C10orf90: variants seen among roughly 807,000 people sequenced by gnomAD.
C10orf90 encodes chromosome 10 open reading frame 90, also known as (E2-independent) E3 ubiquitin-conjugating enzyme FATS.
C10orf90 carries 56 observed loss-of-function variants against 62.5 expected under a neutral mutation model. The observed-to-expected ratio is 0.90, with a 90% CI of 0.72 to 1.12. The LOEUF (loss-of-function observed/expected upper bound fraction) is 1.12, where lower values mean the gene tolerates loss of function less well. Ranked by LOEUF, C10orf90 falls within the 50% of genes most tolerant of loss-of-function variation. The pLI is 0.00. For synonymous variants in C10orf90, 386 were observed against 340.4 expected (o/e 1.13, Z -1.47); for missense variants, 970 against 880.4 (o/e 1.10, Z -1.29).
At chr10:126,530,317 G>A (rs1234401223) in intron 2 of C10orf90, among the ~76,000 whole-genome samples, 4 of 150,016 alleles carry the variant, frequency 2.7e-5, no homozygotes, top group Non-Finnish European at 4.4e-5. Flanking sequence ...AAGTTAAAAG[G>A]CAGTTCTTAA....
chr10:126,583,992 T>C (rs916766148), intron 2 of C10orf90, among the ~76,000 whole-genome samples: 4 of 152,032 alleles, frequency 2.6e-5, no homozygotes, highest in African/African-American at 4.8e-5. Context: ...TGGTGACTCA[T>C]GCCTGTAGTC....
chr10:126,570,707 G>T (rs1025373646), intron 2 of C10orf90, among the ~76,000 whole-genome samples: 1 of 152,042 alleles, frequency 6.6e-6, no homozygotes, highest in Non-Finnish European at 1.5e-5. Context: ...AAACAAGAAT[G>T]CCACCACTTC....
intron 4 of C10orf90, among the ~76,000 whole-genome samples, chr10:126,484,887 T>C (rs1160893994): frequency 6.6e-6 from 1 of 152,204 alleles, no homozygotes; most frequent in Non-Finnish European, 1.5e-5. Context: ...TTTCGTATGT[T>C]TGAAAATAAC....
At chr10:126,498,358 C>T (rs900538610) in intron 4 of C10orf90, among the ~76,000 whole-genome samples, 1 of 152,192 alleles carries the variant, frequency 6.6e-6, no homozygotes, top group African/African-American at 2.4e-5. Flanking sequence ...TCACTGCCCC[C>T]ACTCCTGGAC....
intron 4 of C10orf90, among the ~76,000 whole-genome samples, chr10:126,472,374 C>T (rs1430974665): frequency 6.6e-6 from 1 of 152,214 alleles, no homozygotes; most frequent in Non-Finnish European, 1.5e-5. Flanking sequence ...GGAGCTACGA[C>T]ATATTTCTAG....
At chr10:126,637,492 G>C (rs745695136) in intron 2 of C10orf90, among the ~76,000 whole-genome samples, 19 of 152,250 alleles carry the variant, frequency 1.2e-4, no homozygotes, top group Admixed American at 7.2e-4. Flanking sequence ...GGTTTGGATG[G>C]AGGAGCAAGT....
intron 2 of C10orf90, chr10:126,520,305 A>T (rs1385683664): frequency 6.6e-6 from 1 of 152,128 alleles, no homozygotes; most frequent in Non-Finnish European, 1.5e-5. Flanking sequence ...CCAGTTTGTG[A>T]CCGTGAAGGC....
chr10:126,476,952 C>G (rs1860908134), intron 4 of C10orf90, among the ~76,000 whole-genome samples: 1 of 147,780 alleles, frequency 6.8e-6, no homozygotes, highest in South Asian at 2.2e-4. Flanking sequence ...CTCTGTCGCC[C>G]AGGCTGGAGT....
At chr10:126,658,896 T>A (rs748446355) in intron 1 of C10orf90, among the ~76,000 whole-genome samples, 1 of 152,186 alleles carries the variant, frequency 6.6e-6, no homozygotes, top group African/African-American at 2.4e-5. Context: ...CCTAGCCCTT[T>A]CCCTAGTTTT....
At chr10:126,634,392 C>T (rs1845908969) in intron 2 of C10orf90, among the ~76,000 whole-genome samples, 1 of 152,096 alleles carries the variant, frequency 6.6e-6, no homozygotes, top group Non-Finnish European at 1.5e-5. Context: ...TATATTATTC[C>T]ACTGATATGA....
chr10:126,497,764 G>C (rs1204396069), intron 4 of C10orf90, among the ~76,000 whole-genome samples: 1 of 152,136 alleles, frequency 6.6e-6, no homozygotes, highest in African/African-American at 2.4e-5. Context: ...ACTCAACTTT[G>C]CTGTTGCAGT....
rs76997158 is a variant in C10orf90 at position 126,621,795 on chromosome 10, C to T, written c.313+24770G>A. 5.3e-3 allele frequency among the ~76,000 whole-genome samples: 810 copies of T among 152,286 alleles called. 11 individuals carry two copies. The highest frequency in any genetic ancestry group is 0.018 in the African/African-American group (729 of 41,560). On this transcript the variant is annotated intron_variant, in intron 2 of 9. Transcript: ENST00000488181. ...GATTAATGTACTATAAATATGGAAA[C>T]TTTAAAGAGAATTCCCCTGACTTTG...
chr10:126,495,984 G>A (rs1441849398), intron 4 of C10orf90, among the ~76,000 whole-genome samples: 2 of 152,148 alleles, frequency 1.3e-5, no homozygotes, highest in African/African-American at 2.4e-5. Flanking sequence ...AGCAACTGGT[G>A]GAGTATAAAT....
intron 2 of C10orf90, among the ~76,000 whole-genome samples, chr10:126,598,711 C>G (rs1845135397): frequency 6.6e-6 from 1 of 152,144 alleles, no homozygotes. Context: ...TAAGCTTATT[C>G]AGTGGTGGCA....
At chr10:126,486,327 A>T (rs1196223606) in intron 4 of C10orf90, among the ~76,000 whole-genome samples, 1 of 152,214 alleles carries the variant, frequency 6.6e-6, no homozygotes, top group Non-Finnish European at 1.5e-5. Flanking sequence ...TGGAAATCCC[A>T]TCTGAAGGAA....
intron 1 of C10orf90, among the ~76,000 whole-genome samples, chr10:126,665,342 G>C (rs1480324946): frequency 6.6e-6 from 1 of 152,168 alleles, no homozygotes; most frequent in Non-Finnish European, 1.5e-5. Context: ...TGCACCTTTT[G>C]ATAACTGTGA....
intron 2 of C10orf90, among the ~76,000 whole-genome samples, chr10:126,632,285 T>C (rs969172519): frequency 5.3e-5 from 8 of 151,970 alleles, no homozygotes; most frequent in African/African-American, 1.9e-4. Context: ...AGGCAGTTGC[T>C]GGGCCTCAGG....
At chr10:126,653,203 T>C (rs1013439236) in intron 1 of C10orf90, among the ~76,000 whole-genome samples, 6 of 152,226 alleles carry the variant, frequency 3.9e-5, no homozygotes, top group Admixed American at 3.3e-4. Flanking sequence ...TTCCTTAAAA[T>C]GAGACAACAA....
intron 2 of C10orf90, among the ~76,000 whole-genome samples, chr10:126,550,016 C>T (rs937780764): frequency 3.4e-5 from 5 of 148,678 alleles, no homozygotes; most frequent in South Asian, 2.1e-4. Flanking sequence ...AGTGCAGTGG[C>T]GCAATCTCAG....
Sources: gnomAD v4.1 joint callset for allele counts (sites outside exome capture counted in the v4.1 genomes callset) on GRCh38, gnomAD v4.1.1 for gene constraint, MANE v1.5 for transcripts, NCBI Gene and HGNC (gene_info 2026-07-23, HGNC 2026-07-21) for gene names.